The following PLEKHM3 variants were observed in gnomAD, a reference collection of about 807,000 sequenced individuals.
The protein encoded by PLEKHM3 is pleckstrin homology domain containing M3, also known as pleckstrin homology domain-containing family M member 3.
A neutral mutation model predicts 81.8 loss-of-function variants in PLEKHM3; 45 were observed. That is an observed-to-expected ratio of 0.55 (90% confidence interval 0.43 to 0.71). The LOEUF (loss-of-function observed/expected upper bound fraction) is 0.71. Among genes scored for constraint, PLEKHM3 ranks in the 30% least tolerant of loss-of-function variants. The pLI is 0.00. For synonymous variants in PLEKHM3, 352 were observed against 356.4 expected (o/e 0.99, Z 0.14); for missense variants, 788 against 924.3 (o/e 0.85, Z 1.91).
chr2:207,898,729 A>G (rs1688325368), intron 6 of PLEKHM3, among the ~76,000 whole-genome samples: 1 of 151,966 alleles, frequency 6.6e-6, no homozygotes, highest in Non-Finnish European at 1.5e-5. Flanking sequence ...TCCTACCTCT[A>G]TAAAACATTT....
At chr2:207,862,713 A>T (rs2092474116) in intron 6 of PLEKHM3, among the ~76,000 whole-genome samples, 1 of 152,202 alleles carries the variant, frequency 6.6e-6, no homozygotes, top group South Asian at 2.1e-4. Flanking sequence ...GAGAAATTAC[A>T]ATGTCCAGGT....
intron 6 of PLEKHM3, among the ~76,000 whole-genome samples, chr2:207,880,788 A>AAAAAAAAAAAAC (rs71036962): frequency 3.4e-5 from 2 of 58,146 alleles, no homozygotes; most frequent in African/African-American, 5.8e-5. Flanking sequence ...AAAAAAAAAA[A>AAAAAAAAAAAAC]CCAAAAAAAC....
At chr2:207,964,439 G>A (rs951271483) in intron 3 of PLEKHM3, among the ~76,000 whole-genome samples, 2 of 152,148 alleles carry the variant, frequency 1.3e-5, no homozygotes, top group African/African-American at 2.4e-5. Flanking sequence ...CTGGGGCCCT[G>A]CCCTCACAAA....
chr2:207,919,054 G>A (rs1453048781), intron 5 of PLEKHM3, among the ~76,000 whole-genome samples: 1 of 152,120 alleles, frequency 6.6e-6, no homozygotes, highest in African/African-American at 2.4e-5. Flanking sequence ...AAACACAGTG[G>A]TAAAGGATGC....
At chr2:207,978,013 G>C (rs1691379307) in intron 2 of PLEKHM3, among the ~76,000 whole-genome samples, 1 of 152,168 alleles carries the variant, frequency 6.6e-6, no homozygotes, top group South Asian at 2.1e-4. Context: ...CTTCAGCCTG[G>C]AGGTTGGAGC....
intron 6 of PLEKHM3, among the ~76,000 whole-genome samples, chr2:207,881,012 T>C (rs1025217160): frequency 1.3e-5 from 2 of 151,274 alleles, no homozygotes; most frequent in African/African-American, 4.9e-5. Context: ...ATATAGTAGT[T>C]CTGAATATAG....
rs375411179 is a variant in PLEKHM3, at chr2:207,972,574, G to A, written c.1546+4077C>T. Among the ~76,000 whole-genome samples, 27 of 145,664 alleles carry A rather than the reference G, an allele frequency of 1.9e-4. No homozygotes were observed. The East Asian group carries it at 2.0e-3, about 11-fold the overall frequency. Reference sequence around the variant, plus strand: ...TGCACTCCAGCCTGGGCAACAGGGCGAGACTCCGTCTCAAAAAAAAAAAAA... The same window carrying A: ...TGCACTCCAGCCTGGGCAACAGGGCAAGACTCCGTCTCAAAAAAAAAAAAA... On this transcript the variant is annotated intron_variant, in intron 3 of 7. Transcript: ENST00000427836.
chr2:207,995,322 T>C (rs945063137), intron 2 of PLEKHM3, among the ~76,000 whole-genome samples: 1 of 152,236 alleles, frequency 6.6e-6, no homozygotes, highest in Non-Finnish European at 1.5e-5. Context: ...TAAATCTTTC[T>C]GTGTTAAATA....
rs762327598 is a variant in PLEKHM3, at chr2:208,001,346, C to G, written c.294G>C (p.Gln98His). The G allele has an allele frequency of 2.5e-6, 4 of 1,614,218 alleles. No individual in the cohort carries two copies. Among genetic ancestry groups the G allele is most frequent in the Non-Finnish European group, 3.4e-6 (4 of 1,180,040 alleles). The change falls in exon 2 of 8, where the codon CAG (glutamine) becomes CAC (histidine). Residue 98 changes from glutamine to histidine, a missense_variant. Transcript: ENST00000427836. The stretch of plus-strand genomic sequence containing the variant: ...AAAGATTATCTGGGGTTGTCCCTCT[C>G]TGGACCATAAACTGTTCTTTGGCAG... ...VFPAKEQFMV[Q>H]RGTTPDNLSW...
chr2:207,891,217 G>A (rs1688050172), intron 6 of PLEKHM3, among the ~76,000 whole-genome samples: 1 of 152,192 alleles, frequency 6.6e-6, no homozygotes, highest in Admixed American at 6.5e-5. Flanking sequence ...CGGAGACAAA[G>A]AATCTGTGGT....
chr2:208,001,058 A>G lies in PLEKHM3; in HGVS notation c.582T>C (p.Asn194=). 6.4e-7 allele frequency: 1 copy of G among 1,556,716 alleles called. No individual in the cohort carries two copies. Among genetic ancestry groups the G allele is most frequent in the South Asian group, 1.2e-5 (1 of 85,112 alleles). ...TATTTCCTTGAGCATCTTCTATCTT[A>G]TTTGGTGAGGGCAACAGAAAAGATG... is the stretch of plus-strand genomic sequence containing the variant. ...TRPSFLLPSP[N]KIEDAQGNTE... is the part of the protein sequence containing the mutation. Residue 194 remains asparagine, a synonymous_variant, in exon 2 of 8, where the codon AAT becomes AAC. Transcript: ENST00000427836.
intron 5 of PLEKHM3, among the ~76,000 whole-genome samples, chr2:207,917,748 T>C (rs574174662): frequency 6.6e-6 from 1 of 152,242 alleles, no homozygotes; most frequent in Admixed American, 6.5e-5. Context: ...CTCAGGAGGC[T>C]GAAGTAGGAT....
intron 7 of PLEKHM3, among the ~76,000 whole-genome samples, chr2:207,829,024 C>G (rs773155461): frequency 6.6e-6 from 1 of 152,144 alleles, no homozygotes; most frequent in African/African-American, 2.4e-5. Flanking sequence ...TGAATGACAT[C>G]CTGTGGTCTA....
At position 207,826,917 on chromosome 2, in the gene PLEKHM3, C is replaced by T. The variant is rs1424822240; in HGVS notation, c.*1402G>A. The T allele has an allele frequency of 1.3e-5, 2 of 152,114 alleles. No individual in the cohort carries two copies. Among genetic ancestry groups the T allele is most frequent in the African/African-American group, 4.8e-5 (2 of 41,408 alleles). The allele number at this position is 152,114 out of a possible 1,614,324, so 9.4% of individuals were successfully genotyped here. A position where few individuals can be genotyped will look rare whatever the true frequency, so the allele number is the denominator to read the frequency against. On this transcript the variant is annotated 3_prime_UTR_variant, in exon 8 of 8. Coordinates refer to ENST00000427836, the MANE Select transcript of PLEKHM3 (RefSeq NM_001080475.3). ...GGGAAGGAATGGGAGCTGTCAGGGT[C>T]CCAGGGCTGTCCTACCTGCCGTTTT... is the stretch of plus-strand genomic sequence containing the variant.
At position 207,946,831 on chromosome 2, in the gene PLEKHM3, C is replaced by T. The variant is rs1690148064; in HGVS notation, c.1547-319G>A. ...CAACCTCGCCTTTATCTCCTCACTG[C>T]CCTGCTCAGAACTCCATTTCCACCA... On this transcript the variant is annotated intron_variant, in intron 3 of 7. Coordinates refer to ENST00000427836, the MANE Select transcript of PLEKHM3 (RefSeq NM_001080475.3). Among the ~76,000 whole-genome samples the T allele has an allele frequency of 4.6e-5, 7 of 152,306 alleles. No individual in the cohort carries two copies. In the South Asian group the frequency reaches 1.2e-3, roughly 27 times the overall value.
chr2:207,872,371 A>AC (rs2092539050), intron 6 of PLEKHM3, among the ~76,000 whole-genome samples: 3 of 152,146 alleles, frequency 2.0e-5, no homozygotes, highest in African/African-American at 7.2e-5. Context: ...GAAAAATAAT[A>AC]CCTCTAGTCC....
chr2:207,835,838 G>A (rs1421133779), intron 7 of PLEKHM3, among the ~76,000 whole-genome samples: 2 of 152,008 alleles, frequency 1.3e-5, no homozygotes, highest in African/African-American at 4.8e-5. Context: ...CTTCCCAAGG[G>A]AAAAAAACAT....
intron 5 of PLEKHM3, among the ~76,000 whole-genome samples, chr2:207,924,795 A>G (rs1362417419): frequency 6.6e-6 from 1 of 152,176 alleles, no homozygotes; most frequent in African/African-American, 2.4e-5. Flanking sequence ...GGCTCCTGTG[A>G]AGGCTGGAGG....
intron 6 of PLEKHM3, chr2:207,901,277 A>G (rs1232024408): frequency 1.1e-5 from 8 of 702,950 alleles, no homozygotes; most frequent in Non-Finnish European, 2.1e-5. Context: ...TCATCTGTGG[A>G]TCAGGTTAGA....
Sources: allele counts gnomAD v4.1 joint callset (sites outside exome capture counted in the v4.1 genomes callset), GRCh38; gene constraint gnomAD v4.1.1; transcripts MANE v1.5; gene names NCBI Gene and HGNC (gene_info 2026-07-23, HGNC 2026-07-21).